Variants in EVA1C observed in about 807,000 individuals in gnomAD.
The protein encoded by EVA1C is protein eva-1 homolog C.
A neutral mutation model predicts 45.4 loss-of-function variants in EVA1C; 25 were observed. That is an observed-to-expected ratio of 0.55 (90% CI 0.40 to 0.77). EVA1C has a LOEUF of 0.77. EVA1C is among the 30% of genes least tolerant of loss of function. The pLI is 0.00. For missense variants in EVA1C, 479 were observed against 554.8 expected, an observed-to-expected ratio of 0.86 and a Z score of 1.37; for synonymous variants, 190 against 221.2, an observed-to-expected ratio of 0.86 and a Z score of 1.25.
chr21:32,461,223 G>A (rs2035986343), intron 3 of EVA1C, among the ~76,000 whole-genome samples: 1 of 152,228 alleles, frequency 6.6e-6, no homozygotes, highest in African/African-American at 2.4e-5. Flanking sequence ...ACAGCACCAA[G>A]ACAGGAGAGA....
chr21:32,469,258 TG>T (rs2146307663), intron 4 of EVA1C, among the ~76,000 whole-genome samples: 1 of 152,018 alleles, frequency 6.6e-6, no homozygotes, highest in East Asian at 1.9e-4. Flanking sequence ...ATGGGATAAG[TG>T]CTAAGGAGAA....
intron 1 of EVA1C, among the ~76,000 whole-genome samples, chr21:32,426,154 C>T (rs1487043736): frequency 6.6e-6 from 1 of 152,058 alleles, no homozygotes; most frequent in Non-Finnish European, 1.5e-5. Context: ...AGAATTTTTC[C>T]CCCTTCCTTT....
intron 7 of EVA1C, among the ~76,000 whole-genome samples, chr21:32,513,575 C>A (rs2038037428): frequency 1.1e-5 from 1 of 87,332 alleles, no homozygotes; most frequent in African/African-American, 5.7e-5. Flanking sequence ...TTTTTTGAGG[C>A]AGGGTCTCAC....
At chr21:32,423,148 G>A (rs1425800770) in intron 1 of EVA1C, among the ~76,000 whole-genome samples, 1 of 149,734 alleles carries the variant, frequency 6.7e-6, no homozygotes, top group East Asian at 2.0e-4. Flanking sequence ...CACATTCCTT[G>A]CTCTGTCTTC....
At chr21:32,453,790 T>C (rs899374208) in intron 2 of EVA1C, among the ~76,000 whole-genome samples, 15 of 152,236 alleles carry the variant, frequency 9.9e-5, no homozygotes, top group Admixed American at 2.0e-4. Context: ...TACTTTAGTA[T>C]AGCAAAGTAC....
chr21:32,458,607 G>C (rs1437060618), intron 3 of EVA1C, among the ~76,000 whole-genome samples: 2 of 151,316 alleles, frequency 1.3e-5, no homozygotes, highest in Non-Finnish European at 2.9e-5. Context: ...TCAGCTTCCT[G>C]AGTAACTGGG....
chr21:32,424,411 T>G (rs1397784025), intron 1 of EVA1C, among the ~76,000 whole-genome samples: 2 of 152,102 alleles, frequency 1.3e-5, no homozygotes, highest in African/African-American at 4.8e-5. Context: ...TTGTACAGCT[T>G]TGGAGGGATA....
chr21:32,428,524 G>A (rs2034575877), intron 1 of EVA1C: 1 of 152,206 alleles, frequency 6.6e-6, no homozygotes, highest in Non-Finnish European at 1.5e-5. Context: ...TCCTTAGAAA[G>A]GAGTCAGACA....
chr21:32,496,648 A>G (rs1342933445), intron 5 of EVA1C, among the ~76,000 whole-genome samples: 3 of 152,212 alleles, frequency 2.0e-5, no homozygotes, highest in Non-Finnish European at 2.9e-5. Flanking sequence ...GGAGGACGGT[A>G]GACTGGACAC....
rs1383941510 is a variant in EVA1C at position 32,417,097 on chromosome 21, G to A, written c.160+4084G>A. ...TCCTCCTCCCTTAGCCTCCTGAGTA[G>A]CTAGGATTACAGGTGTGCACCACCC... On this transcript the variant is annotated intron_variant, in intron 1 of 7. Coordinates refer to ENST00000300255, the MANE Select transcript of EVA1C (RefSeq NM_058187.5). 2.0e-5 allele frequency among the ~76,000 whole-genome samples: 3 copies of A among 152,210 alleles called. No individual in the cohort carries two copies. In the East Asian group the frequency reaches 5.8e-4, roughly 29 times the overall value.
chr21:32,448,558 AT>A (rs930369971), intron 1 of EVA1C, among the ~76,000 whole-genome samples: 8 of 151,162 alleles, frequency 5.3e-5, no homozygotes, highest in African/African-American at 1.2e-4. Context: ...GGTGATAAGG[AT>A]TTTTTTTTCC....
At chr21:32,482,204 G>A (rs2036812773) in intron 4 of EVA1C, among the ~76,000 whole-genome samples, 1 of 152,208 alleles carries the variant, frequency 6.6e-6, no homozygotes, top group Non-Finnish European at 1.5e-5. Context: ...GCCCACAGCT[G>A]CCACAGATGG....
At position 32,448,770 on chromosome 21, in the gene EVA1C, G is replaced by A. The variant is rs113511893; in HGVS notation, c.161-4542G>A. 1.1e-4 allele frequency among the ~76,000 whole-genome samples: 16 copies of A among 152,056 alleles called. 1 individual carries two copies. The highest frequency in any genetic ancestry group is 3.1e-4 in the African/African-American group (13 of 41,468). On this transcript the variant is annotated intron_variant, in intron 1 of 7. Coordinates refer to ENST00000300255, the MANE Select transcript of EVA1C (RefSeq NM_058187.5). ...AAAAATACAAAAAAATTAGCCAGGC[G>A]TGGTGGTGCATGCCTGTAATCCTAG...
At chr21:32,449,412 C>T (rs763530106) in intron 1 of EVA1C, among the ~76,000 whole-genome samples, 7 of 152,290 alleles carry the variant, frequency 4.6e-5, no homozygotes, top group South Asian at 2.1e-4. Context: ...TGGATATTTT[C>T]GCTGTCTCCA....
At position 32,474,324 on chromosome 21, in the gene EVA1C, G is replaced by A. The variant is rs376630894; in HGVS notation, c.634+6476G>A. ...CTTCAGCTGTGGTCCTGCTGCACAC[G>A]CCTCTTCCCTCACTACCTCTGGAGC... is the stretch of plus-strand genomic sequence containing the variant. On this transcript the variant is annotated intron_variant, in intron 4 of 7. Transcript: ENST00000300255. The surrounding 1 kb of genome is among the most constrained non-coding windows in gnomAD (Gnocchi z 4.4). Among the ~76,000 whole-genome samples the A allele has an allele frequency of 6.6e-5, 10 of 152,254 alleles. No homozygotes were observed. The highest frequency in any genetic ancestry group is 1.9e-4 in the East Asian group (1 of 5,182).
At chr21:32,443,525 G>A (rs902183510) in intron 1 of EVA1C, among the ~76,000 whole-genome samples, 4 of 152,074 alleles carry the variant, frequency 2.6e-5, no homozygotes, top group African/African-American at 4.8e-5. Flanking sequence ...CAAGAAGAGC[G>A]AAACTCCATC....
chr21:32,436,132 C>A (rs536379644), intron 1 of EVA1C, among the ~76,000 whole-genome samples: 23 of 143,052 alleles, frequency 1.6e-4, no homozygotes, highest in African/African-American at 5.4e-4. Context: ...GGTGAGATCT[C>A]GGCTCACTGC....
chr21:32,503,874 G>T, intron 6 of EVA1C, 52 bp from the exon 7 acceptor site: 1 of 1,305,940 alleles, frequency 7.7e-7, no homozygotes, highest in Non-Finnish European at 1.1e-6. Flanking sequence ...TCTTAGAATA[G>T]GCGTACTATG....
At position 32,513,662 on chromosome 21, in the gene EVA1C, T is replaced by C. The variant is rs764876364; in HGVS notation, c.950-1152T>C. 6.9e-5 allele frequency among the ~76,000 whole-genome samples: 10 copies of C among 145,824 alleles called. No homozygotes were observed. In the East Asian group the frequency reaches 2.0e-3, roughly 29 times the overall value. On this transcript the variant is annotated intron_variant, in intron 7 of 7. Coordinates refer to ENST00000300255, the MANE Select transcript of EVA1C (RefSeq NM_058187.5). The stretch of plus-strand genomic sequence containing the variant: ...AGTGATCCTCCCACCTCAGCTTCCC[T>C]AGTAGCTAGGACTACAAGCACGCAC...
Sources: gnomAD v4.1 joint callset for allele counts (sites outside exome capture counted in the v4.1 genomes callset) on GRCh38, gnomAD v4.1.1 for gene constraint, Gnocchi (gnomAD v3.1) non-coding constraint, MANE v1.5 for transcripts, NCBI Gene and HGNC (gene_info 2026-07-23, HGNC 2026-07-21) for gene names.